The following MAP3K4 variants were observed in gnomAD, a reference collection of about 807,000 sequenced individuals.
MAP3K4 encodes MAP three kinase 1.
MAP3K4 carries 67 observed loss-of-function variants against 185.6 expected under a neutral mutation model. That is an observed-to-expected ratio of 0.36 (90% CI 0.30 to 0.44). The LOEUF (loss-of-function observed/expected upper bound fraction) is 0.44. Ranked by LOEUF, MAP3K4 falls within the 20% of genes least tolerant of loss-of-function variation. MAP3K4 has a pLI of 1.00. For synonymous variants in MAP3K4, 702 were observed against 710.4 expected, an observed-to-expected ratio of 0.99 and a Z score of 0.19; for missense variants, 1,551 against 1,995.1, an observed-to-expected ratio of 0.78 and a Z score of 4.24.
At chr6:161,042,174 C>T (rs1037591081) in intron 2 of MAP3K4, among the ~76,000 whole-genome samples, 7 of 152,062 alleles carry the variant, frequency 4.6e-5, no homozygotes, top group African/African-American at 1.7e-4. Flanking sequence ...TACACAGTCC[C>T]TTCTTAGCAG....
intron 15 of MAP3K4, among the ~76,000 whole-genome samples, chr6:161,094,141 A>G (rs1777466220): frequency 1.3e-5 from 2 of 152,066 alleles, no homozygotes; most frequent in Admixed American, 1.3e-4. Flanking sequence ...CCCCCTTACC[A>G]TCTTTTCTGA....
Position 161,070,957 on chromosome 6 carries a change from G to C in MAP3K4, c.1950+107G>C, listed in dbSNP as rs971003116. ...TTTTTTTTCTTAATTGTCGCAAATAGTGAAAAATGACTGTTTGTCCATGGT... is the reference window on the plus strand; with the variant it reads ...TTTTTTTTCTTAATTGTCGCAAATACTGAAAAATGACTGTTTGTCCATGGT... On this transcript the variant is annotated intron_variant, in intron 4 of 26. Coordinates refer to ENST00000392142, the MANE Select transcript of MAP3K4 (RefSeq NM_005922.4). The surrounding 1 kb of genome is among the most constrained non-coding windows in gnomAD (Gnocchi z 4.5). 9.4e-7 allele frequency: 1 copy of C among 1,062,592 alleles called. No homozygotes were observed. The highest frequency in any genetic ancestry group is 1.8e-5 in the South Asian group (1 of 56,488). 65.8% of individuals were successfully genotyped at this position (1,062,592 alleles called of 1,614,324 possible).
Position 161,086,662 on chromosome 6 carries a change from G to C in MAP3K4, c.2551G>C (p.Val851Leu). ...GGATGTTCTGAAATCAAAACAGTAT[G>C]TCAAGGTAAGTACTTCAAATGTTGT... ...LLDVLKSKQY[V>L]KVQIPGLENL... The change falls in exon 9 of 27, where the codon GTC (valine) becomes CTC (leucine). Residue 851 changes from valine (V) to leucine (L), a missense_variant. Coordinates refer to ENST00000392142, the MANE Select transcript of MAP3K4 (RefSeq NM_005922.4). The surrounding 1 kb of genome is among the most constrained non-coding windows in gnomAD (Gnocchi z 4.8). 1 of 1,610,038 alleles carries C rather than the reference G, an allele frequency of 6.2e-7. No homozygotes were observed. The highest frequency in any genetic ancestry group is 8.5e-7 in the Non-Finnish European group (1 of 1,178,606).
At position 161,088,645 on chromosome 6, in the gene MAP3K4, T is replaced by C. The variant is rs1373969326; in HGVS notation, c.2824-677T>C. On this transcript the variant is annotated intron_variant, in intron 10 of 26. Transcript: ENST00000392142. The surrounding 1 kb of genome is among the most constrained non-coding windows in gnomAD (Gnocchi z 4.5). ...CATCTTTCCAGTTAATACCTTGCCC[T>C]GGAAAGCCAGAAGCATTTCCAGTAA... is the stretch of plus-strand genomic sequence containing the variant. Among the ~76,000 whole-genome samples the C allele has an allele frequency of 6.6e-6, 1 of 152,214 alleles. No individual in the cohort carries two copies. The highest frequency in any genetic ancestry group is 2.4e-5 in the African/African-American group (1 of 41,454).
At chr6:161,069,731 C>T (rs554296254) in intron 3 of MAP3K4, among the ~76,000 whole-genome samples, 63 of 152,056 alleles carry the variant, frequency 4.1e-4, no homozygotes, top group Non-Finnish European at 5.1e-4. Context: ...AGTTCTGTCC[C>T]CAAGTTATGG....
chr6:161,013,358 A>G (rs1781935910), intron 1 of MAP3K4, among the ~76,000 whole-genome samples: 1 of 152,190 alleles, frequency 6.6e-6, no homozygotes, highest in East Asian at 1.9e-4. Flanking sequence ...TAAATTTAGG[A>G]CAGTTATCCT....
rs1778372890 is a variant in MAP3K4, at chr6:161,112,008, T to C, written c.4519+50T>C. 1 of 1,604,802 alleles carries C rather than the reference T, an allele frequency of 6.2e-7. No homozygotes were observed. Among genetic ancestry groups the C allele is most frequent in the Non-Finnish European group, 8.5e-7 (1 of 1,175,080 alleles). On this transcript the variant is annotated intron_variant, in intron 24 of 26. Transcript: ENST00000392142. This position sits in a 1 kb window ranked among gnomAD's most constrained non-coding sequence, Gnocchi z 5.1. The stretch of plus-strand genomic sequence containing the variant: ...TGCACTCTGACTTCATGCAGCCTGC[T>C]TGGGGCCTGCATGTTCCCTTCACCT...
intron 11 of MAP3K4, among the ~76,000 whole-genome samples, chr6:161,089,685 G>C (rs879515381): frequency 1.3e-5 from 2 of 152,132 alleles, no homozygotes; most frequent in Admixed American, 6.5e-5. Flanking sequence ...AAAGGATAGA[G>C]AATTGAACTT....
rs1175952422 is a variant in MAP3K4 at position 161,096,938 on chromosome 6, A to G, written c.3428-142A>G. ...TTTCCATAATATTTGTATATGTAAT[A>G]TTATTTTTTACTTATATAAATGGAC... On this transcript the variant is annotated intron_variant, in intron 15 of 26. Coordinates refer to ENST00000392142, the MANE Select transcript of MAP3K4 (RefSeq NM_005922.4). This position sits in a 1 kb window ranked among gnomAD's most constrained non-coding sequence, Gnocchi z 4.9. 5.2e-6 allele frequency: 3 copies of G among 578,304 alleles called. No individual in the cohort carries two copies. The highest frequency in any genetic ancestry group is 2.7e-5 in the South Asian group (1 of 37,542). The allele number at this position is 578,304 out of a possible 1,614,324, so 35.8% of individuals were successfully genotyped here. A position where few individuals can be genotyped will look rare whatever the true frequency, so the allele number is the denominator to read the frequency against.
At chr6:161,041,873 G>A (rs1307757643) in intron 2 of MAP3K4, among the ~76,000 whole-genome samples, 1 of 149,162 alleles carries the variant, frequency 6.7e-6, no homozygotes, top group East Asian at 2.1e-4. Flanking sequence ...TGGACAGGCA[G>A]ATGCTCTCAG....
intron 1 of MAP3K4, among the ~76,000 whole-genome samples, chr6:161,005,298 G>A (rs1032364636): frequency 2.6e-5 from 4 of 151,786 alleles, no homozygotes; most frequent in African/African-American, 7.3e-5. Context: ...GCCACCATGC[G>A]TGGCTAGTTT....
intron 1 of MAP3K4, among the ~76,000 whole-genome samples, chr6:161,020,176 A>G (rs1373055045): frequency 6.6e-6 from 1 of 152,234 alleles, no homozygotes; most frequent in Non-Finnish European, 1.5e-5. Flanking sequence ...GAAACTTGCT[A>G]AATGTGTGAT....
Position 161,116,766 on chromosome 6 carries a change from C to T in MAP3K4, c.4807-84C>T. ...GAGCATCAGGATGAGTGGATGGGGC[C>T]TTCCCCGTAAGACTCATACTGCGCG... On this transcript the variant is annotated intron_variant, in intron 26 of 26. Coordinates refer to ENST00000392142, the MANE Select transcript of MAP3K4 (RefSeq NM_005922.4). The surrounding 1 kb of genome is among the most constrained non-coding windows in gnomAD (Gnocchi z 6.2). 1 of 1,225,664 alleles carries T rather than the reference C, an allele frequency of 8.2e-7. No homozygotes were observed. 75.9% of individuals were successfully genotyped at this position (1,225,664 alleles called of 1,614,324 possible). A position where few individuals can be genotyped will look rare whatever the true frequency, so the allele number is the denominator to read the frequency against.
In MAP3K4 at chr6:161,061,726, G is replaced by A. The variant is rs1193264958; in HGVS notation, c.1708-8882G>A. On this transcript the variant is annotated intron_variant, in intron 3 of 26. Coordinates refer to ENST00000392142, the MANE Select transcript of MAP3K4 (RefSeq NM_005922.4). This position sits in a 1 kb window ranked among gnomAD's most constrained non-coding sequence, Gnocchi z 4.2. ...GGTCATATGGTATGTGGTCTTTTGAGACTGGCTTCTTTCATTTGCATAATG... is the reference window on the plus strand; with the variant it reads ...GGTCATATGGTATGTGGTCTTTTGAAACTGGCTTCTTTCATTTGCATAATG... Among the ~76,000 whole-genome samples the A allele has an allele frequency of 1.3e-5, 2 of 152,200 alleles. No homozygotes were observed. Among genetic ancestry groups the A allele is most frequent in the Non-Finnish European group, 2.9e-5 (2 of 68,046 alleles).
chr6:161,046,110 A>G (rs1562502329), intron 2 of MAP3K4, among the ~76,000 whole-genome samples: 1 of 152,162 alleles, frequency 6.6e-6, no homozygotes, highest in African/African-American at 2.4e-5. Context: ...AATTCAGTGT[A>G]TTAGAAACTG....
Position 161,116,402 on chromosome 6 carries a change from C to A in MAP3K4, c.4807-448C>A, listed in dbSNP as rs181503440. On this transcript the variant is annotated intron_variant, in intron 26 of 26. Coordinates refer to ENST00000392142, the MANE Select transcript of MAP3K4 (RefSeq NM_005922.4). This position sits in a 1 kb window ranked among gnomAD's most constrained non-coding sequence, Gnocchi z 6.2. ...AGAGGACAAGGGGATGAGAACAGAGCCCTGGAGAAAAGAGCCTTGCAAGGG... is the reference window on the plus strand; with the variant it reads ...AGAGGACAAGGGGATGAGAACAGAGACCTGGAGAAAAGAGCCTTGCAAGGG... Among the ~76,000 whole-genome samples, 4 of 151,928 alleles carry A rather than the reference C, an allele frequency of 2.6e-5. No homozygotes were observed. The East Asian group carries it at 7.7e-4, about 29-fold the overall frequency.
intron 1 of MAP3K4, among the ~76,000 whole-genome samples, chr6:161,028,373 C>T (rs1782771575): frequency 1.3e-5 from 2 of 152,098 alleles, no homozygotes; most frequent in Non-Finnish European, 2.9e-5. Flanking sequence ...GTAGGGATTT[C>T]ATTATTGGCA....
In MAP3K4 at chr6:161,110,015, T is replaced by G; in HGVS notation, c.4396+101T>G. 1 of 1,265,542 alleles carries G rather than the reference T, an allele frequency of 7.9e-7. No homozygotes were observed. The highest frequency in any genetic ancestry group is 1.1e-6 in the Non-Finnish European group (1 of 890,590). The allele number at this position is 1,265,542 out of a possible 1,614,324, so 78.4% of individuals were successfully genotyped here. On this transcript the variant is annotated intron_variant, in intron 23 of 26. Transcript: ENST00000392142. The surrounding 1 kb of genome is among the most constrained non-coding windows in gnomAD (Gnocchi z 4.8). ...TCATCCCATTCCCACATATGATTTC[T>G]CTAGATGGAAATACCTTTCATTGAA...
rs1044578217 is a variant in MAP3K4 at position 161,075,528 on chromosome 6, A to G, written c.2097+1916A>G. Among the ~76,000 whole-genome samples the G allele has an allele frequency of 1.2e-4, 19 of 152,136 alleles. No homozygotes were observed. Among genetic ancestry groups the G allele is most frequent in the Non-Finnish European group, 2.1e-4 (14 of 68,012 alleles). On this transcript the variant is annotated intron_variant, in intron 5 of 26. Transcript: ENST00000392142. The surrounding 1 kb of genome is among the most constrained non-coding windows in gnomAD (Gnocchi z 4.3). ...GGAAAAAAGCAACAAGCAAATTATTATTTTTCTCTCTTTATGGGTAACTAA... is the reference window on the plus strand; with the variant it reads ...GGAAAAAAGCAACAAGCAAATTATTGTTTTTCTCTCTTTATGGGTAACTAA...
Sources: gnomAD v4.1 joint callset for allele counts (sites outside exome capture counted in the v4.1 genomes callset) on GRCh38, gnomAD v4.1.1 for gene constraint, Gnocchi (gnomAD v3.1) non-coding constraint, MANE v1.5 for transcripts, NCBI Gene and HGNC (gene_info 2026-07-23, HGNC 2026-07-21) for gene names.